STXBP6: variants seen among roughly 807,000 people sequenced by gnomAD.
The protein encoded by STXBP6 is syntaxin binding protein 6, also known as syntaxin-binding protein 6.
STXBP6 carries 21 observed loss-of-function variants against 26.9 expected under a neutral mutation model. The observed-to-expected ratio is 0.78, with a 90% CI of 0.55 to 1.12. The LOEUF is 1.12. Among genes scored for constraint, STXBP6 ranks in the 50% most tolerant of loss-of-function variants. The probability of loss-of-function intolerance (pLI) is 0.00; values close to 1 mark genes in which losing one functional copy is unlikely to be tolerated. For synonymous variants in STXBP6, 97 were observed against 92.6 expected (o/e 1.05, Z -0.27); for missense variants, 232 against 257.9 (o/e 0.90, Z 0.69).
At chr14:24,903,681 T>C (rs1449143747) in intron 2 of STXBP6, among the ~76,000 whole-genome samples, 1 of 152,174 alleles carries the variant, frequency 6.6e-6, no homozygotes, top group African/African-American at 2.4e-5. Flanking sequence ...TATATTTTGT[T>C]ATTTATAACT....
chr14:24,864,426 C>A (rs2069646518), intron 2 of STXBP6, among the ~76,000 whole-genome samples: 1 of 152,038 alleles, frequency 6.6e-6, no homozygotes, highest in South Asian at 2.1e-4. Flanking sequence ...AACTAAAAAA[C>A]CCTTTACAAT....
intron 1 of STXBP6, among the ~76,000 whole-genome samples, chr14:25,022,564 G>A (rs1330515822): frequency 6.6e-6 from 1 of 152,164 alleles, no homozygotes; most frequent in Non-Finnish European, 1.5e-5. Context: ...GGAAATTAAG[G>A]TGCTGCTACC....
At chr14:24,921,509 G>A (rs967080065) in intron 2 of STXBP6, among the ~76,000 whole-genome samples, 5 of 152,120 alleles carry the variant, frequency 3.3e-5, no homozygotes, top group Admixed American at 6.5e-5. Context: ...GAGATGTCTC[G>A]TTTAGCATTC....
intron 2 of STXBP6, among the ~76,000 whole-genome samples, chr14:24,875,839 G>T (rs894660770): frequency 4.6e-5 from 7 of 152,166 alleles, no homozygotes; most frequent in African/African-American, 7.2e-5. Context: ...GAAATGAGTT[G>T]AGGGGTGGAA....
chr14:24,910,382 T>C (rs1434820137), intron 2 of STXBP6, among the ~76,000 whole-genome samples: 1 of 152,258 alleles, frequency 6.6e-6, no homozygotes, highest in Non-Finnish European at 1.5e-5. Context: ...TTTTTGCCTT[T>C]GTTGTTCATT....
In STXBP6 at chr14:24,825,117, C is replaced by T. The variant is rs1158676; in HGVS notation, c.452-5923G>A. Among the ~76,000 whole-genome samples, 1,002 of 152,182 alleles carry T rather than the reference C, an allele frequency of 6.6e-3. 11 individuals are homozygous for T. Among genetic ancestry groups the T allele is most frequent in the African/African-American group, 0.023 (948 of 41,526 alleles). ...ATGTAAACTGAATGAAAAGGAGGTA[C>T]GGGTGAGAGCAGGAGAGGTATGGTA... On this transcript the variant is annotated intron_variant, in intron 4 of 5. Transcript: ENST00000323944.
At chr14:24,963,714 T>A (rs2073627658) in intron 2 of STXBP6, among the ~76,000 whole-genome samples, 1 of 152,164 alleles carries the variant, frequency 6.6e-6, no homozygotes, top group Admixed American at 6.5e-5. Flanking sequence ...ATGAACTCTT[T>A]CTTCAAGAGA....
chr14:24,950,254 C>CT (rs768365595), intron 2 of STXBP6, among the ~76,000 whole-genome samples: 1 of 69,270 alleles, frequency 1.4e-5, no homozygotes, highest in African/African-American at 7.9e-5. Context: ...ATTGGTACCA[C>CT]CTTTGGAAAT....
intron 4 of STXBP6, among the ~76,000 whole-genome samples, chr14:24,838,037 A>T (rs1426946413): frequency 6.6e-6 from 1 of 152,172 alleles, no homozygotes; most frequent in Non-Finnish European, 1.5e-5. Flanking sequence ...TTCTAATTTT[A>T]ATTTTTATTT....
chr14:24,958,766 C>T (rs1428816761), intron 2 of STXBP6, among the ~76,000 whole-genome samples: 1 of 151,880 alleles, frequency 6.6e-6, no homozygotes, highest in Non-Finnish European at 1.5e-5. Context: ...CATTAGAATG[C>T]AAAAACCAAC....
intron 1 of STXBP6, among the ~76,000 whole-genome samples, chr14:24,990,723 A>C (rs1374992803): frequency 6.6e-6 from 1 of 151,784 alleles, no homozygotes; most frequent in Non-Finnish European, 1.5e-5. Flanking sequence ...CAGAGCAATT[A>C]GTAGTGGGAG....
intron 1 of STXBP6, among the ~76,000 whole-genome samples, chr14:25,026,293 G>A (rs1185255334): frequency 6.6e-6 from 1 of 152,044 alleles, no homozygotes; most frequent in Non-Finnish European, 1.5e-5. Context: ...AGAATCTCAA[G>A]GGAAGGTTGT....
At chr14:24,904,685 G>A (rs74037702) in intron 2 of STXBP6, among the ~76,000 whole-genome samples, 3,601 of 152,238 alleles carry the variant, frequency 0.024, 132 homozygotes, top group African/African-American at 0.076. Context: ...AGAGGAAAGG[G>A]CATGTGAGGA....
chr14:24,821,292 T>C (rs1459335388), intron 4 of STXBP6, among the ~76,000 whole-genome samples: 1 of 152,188 alleles, frequency 6.6e-6, no homozygotes, highest in Middle Eastern at 3.2e-3. Flanking sequence ...AGAGGGTGTA[T>C]AACCAAGACT....
At chr14:25,039,478 G>A (rs989682569) in intron 1 of STXBP6, among the ~76,000 whole-genome samples, 2 of 152,140 alleles carry the variant, frequency 1.3e-5, no homozygotes, top group African/African-American at 4.8e-5. Flanking sequence ...ATAAATTGCA[G>A]TTTCTTGGTG....
intron 2 of STXBP6, among the ~76,000 whole-genome samples, chr14:24,890,347 G>A (rs1182802698): frequency 6.6e-6 from 1 of 152,222 alleles, no homozygotes; most frequent in East Asian, 1.9e-4. Context: ...AGGTTGGCAT[G>A]GATGTGGGAT....
chr14:24,929,123 A>G (rs2072289333), intron 2 of STXBP6, among the ~76,000 whole-genome samples: 1 of 152,248 alleles, frequency 6.6e-6, no homozygotes, highest in Non-Finnish European at 1.5e-5. Flanking sequence ...ACTTTTCACA[A>G]ATTTATTCTT....
At chr14:25,005,571 CT>C (rs1227466650) in intron 1 of STXBP6, among the ~76,000 whole-genome samples, 2 of 152,132 alleles carry the variant, frequency 1.3e-5, no homozygotes, top group African/African-American at 4.8e-5. Context: ...TCTTTATTTG[CT>C]GAGAAAGTTG....
At chr14:24,890,987 C>T (rs2070766174) in intron 2 of STXBP6, among the ~76,000 whole-genome samples, 1 of 152,218 alleles carries the variant, frequency 6.6e-6, no homozygotes, top group Admixed American at 6.5e-5. Context: ...CTGCTGCCAT[C>T]TGGGCTCTAT....
Sources: gnomAD v4.1 joint callset for allele counts (sites outside exome capture counted in the v4.1 genomes callset) on GRCh38, gnomAD v4.1.1 for gene constraint, MANE v1.5 for transcripts, NCBI Gene and HGNC (gene_info 2026-07-23, HGNC 2026-07-21) for gene names.